The following PRKCA variants were observed in gnomAD, a reference collection of about 807,000 sequenced individuals.
The protein encoded by PRKCA is protein kinase C alpha type.
In PRKCA, 27 loss-of-function variants were observed where a neutral mutation model predicts 87.0. The observed-to-expected ratio is 0.31, with a 90% CI of 0.23 to 0.43. The LOEUF (loss-of-function observed/expected upper bound fraction) is 0.43. Among genes scored for constraint, PRKCA ranks in the 20% least tolerant of loss-of-function variants. The pLI is 1.00. For missense variants in PRKCA, 518 were observed against 852.3 expected (o/e 0.61, Z 4.88); for synonymous variants, 329 against 311.1 (o/e 1.06, Z -0.61).
intron 8 of PRKCA, among the ~76,000 whole-genome samples, chr17:66,715,898 A>G (rs1244417041): frequency 1.3e-5 from 2 of 152,214 alleles, no homozygotes; most frequent in Admixed American, 1.3e-4. Flanking sequence ...GAATACCACA[A>G]GAGGGCAGTA....
At chr17:66,456,891 G>C (rs1371380472) in intron 2 of PRKCA, among the ~76,000 whole-genome samples, 2 of 152,200 alleles carry the variant, frequency 1.3e-5, no homozygotes, top group African/African-American at 4.8e-5. Context: ...GATAGCTGAT[G>C]GGAGTTGTTT....
chr17:66,550,036 C>A (rs1463318836), intron 3 of PRKCA, among the ~76,000 whole-genome samples: 2 of 152,148 alleles, frequency 1.3e-5, no homozygotes, highest in Non-Finnish European at 2.9e-5. Context: ...ACTTGCATCT[C>A]CATTTAGAAC....
intron 3 of PRKCA, among the ~76,000 whole-genome samples, chr17:66,614,727 C>T (rs1013795732): frequency 1.3e-5 from 2 of 152,126 alleles, no homozygotes; most frequent in African/African-American, 2.4e-5. Context: ...GGCAGTTCCT[C>T]GTTATGCTTT....
chr17:66,799,842 T>C (rs979211131), intron 16 of PRKCA, among the ~76,000 whole-genome samples: 2 of 152,076 alleles, frequency 1.3e-5, no homozygotes, highest in Non-Finnish European at 2.9e-5. Context: ...TTGGCAGACC[T>C]TCTATGGTGG....
rs193181763 is a variant in PRKCA, at chr17:66,626,561, G to A, written c.289-14794G>A. 4.8e-3 allele frequency among the ~76,000 whole-genome samples: 726 copies of A among 150,200 alleles called. 9 individuals carry two copies. Among genetic ancestry groups the A allele is most frequent in the African/African-American group, 0.015 (599 of 40,842 alleles). ...TTTTTTTTGTATTTTTAGTGGAGAC[G>A]GGGTTTCACCATGTTAGCCAGGCTG... is the stretch of plus-strand genomic sequence containing the variant. On this transcript the variant is annotated intron_variant, in intron 3 of 16. Transcript: ENST00000413366.
At chr17:66,576,869 T>C (rs1159241572) in intron 3 of PRKCA, among the ~76,000 whole-genome samples, 3 of 112,116 alleles carry the variant, frequency 2.7e-5, no homozygotes, top group African/African-American at 1.2e-4. Flanking sequence ...AAAATGGTGA[T>C]GTACTTTTTT....
intron 2 of PRKCA, among the ~76,000 whole-genome samples, chr17:66,466,740 A>T (rs1251316652): frequency 6.6e-6 from 1 of 152,160 alleles, no homozygotes; most frequent in Non-Finnish European, 1.5e-5. Flanking sequence ...AATTGACTTT[A>T]TTTCTAAAGA....
chr17:66,401,750 A>C (rs1437060740), intron 2 of PRKCA, among the ~76,000 whole-genome samples: 1 of 152,232 alleles, frequency 6.6e-6, no homozygotes, highest in Non-Finnish European at 1.5e-5. Context: ...GTGGTGAGAC[A>C]GAGGGAACAT....
intron 3 of PRKCA, among the ~76,000 whole-genome samples, chr17:66,541,632 T>A (rs928724593): frequency 6.6e-6 from 1 of 152,228 alleles, no homozygotes; most frequent in Non-Finnish European, 1.5e-5. Context: ...AGTCCACGCC[T>A]CATGGCACTT....
At chr17:66,338,163 T>A (rs1256895315) in intron 2 of PRKCA, among the ~76,000 whole-genome samples, 2 of 152,010 alleles carry the variant, frequency 1.3e-5, no homozygotes, top group East Asian at 3.9e-4. Flanking sequence ...TCACATTTCA[T>A]CTTTCTTTAT....
chr17:66,696,892 C>T (rs1250813814), intron 8 of PRKCA, among the ~76,000 whole-genome samples: 2 of 152,192 alleles, frequency 1.3e-5, no homozygotes, highest in Non-Finnish European at 2.9e-5. Context: ...CATACGTGAT[C>T]GAGAGCTTTG....
intron 13 of PRKCA, among the ~76,000 whole-genome samples, chr17:66,766,591 T>TGAG (rs2144315610): frequency 6.6e-6 from 1 of 152,244 alleles, no homozygotes; most frequent in East Asian, 1.9e-4. Flanking sequence ...GTGGATCACC[T>TGAG]GAGGTCAGGA....
At chr17:66,387,742 G>A (rs909585247) in intron 2 of PRKCA, among the ~76,000 whole-genome samples, 2 of 152,178 alleles carry the variant, frequency 1.3e-5, no homozygotes, top group African/African-American at 4.8e-5. Flanking sequence ...GGGGTGCCCC[G>A]CAGCAGTTAG....
At chr17:66,422,265 G>T (rs527297944) in intron 2 of PRKCA, among the ~76,000 whole-genome samples, 34 of 152,222 alleles carry the variant, frequency 2.2e-4, no homozygotes, top group Middle Eastern at 3.4e-3. Context: ...ATGAATTTTT[G>T]GGGGGTGAGG....
intron 2 of PRKCA, among the ~76,000 whole-genome samples, chr17:66,418,917 A>G (rs903762382): frequency 4.7e-4 from 67 of 143,240 alleles, no homozygotes; most frequent in African/African-American, 1.7e-3. Flanking sequence ...ACGCCCGGCT[A>G]ATTTTTTTTT....
At chr17:66,648,207 G>A (rs142707273) in intron 5 of PRKCA, among the ~76,000 whole-genome samples, 341 of 152,248 alleles carry the variant, frequency 2.2e-3, no homozygotes, top group Non-Finnish European at 4.0e-3. Context: ...AAGGCTCTGC[G>A]TTTGGTTGAA....
intron 2 of PRKCA, among the ~76,000 whole-genome samples, chr17:66,372,960 G>C (rs566524327): frequency 0.016 from 2,504 of 152,212 alleles, 31 homozygotes; most frequent in South Asian, 0.026. Context: ...GGGAGGCTGA[G>C]TTCCAGCAGA....
Position 66,803,741 on chromosome 17 carries a change from C to A in PRKCA, c.1855-132C>A. 1 of 1,265,864 alleles carries A rather than the reference C, an allele frequency of 7.9e-7. No homozygotes were observed. The highest frequency in any genetic ancestry group is 1.1e-6 in the Non-Finnish European group (1 of 930,942). 78.4% of individuals were successfully genotyped at this position (1,265,864 alleles called of 1,614,324 possible). On this transcript the variant is annotated intron_variant, in intron 16 of 16. Coordinates refer to ENST00000413366, the MANE Select transcript of PRKCA (RefSeq NM_002737.3). This position sits in a 1 kb window ranked among gnomAD's most constrained non-coding sequence, Gnocchi z 4.4. ...TTTCAATCCAATAGGCCTGCAAGTC[C>A]TCCGAGATTCCTCCTCCTAACCAGC...
chr17:66,633,634 A>G (rs1029166635), intron 3 of PRKCA, among the ~76,000 whole-genome samples: 2 of 152,218 alleles, frequency 1.3e-5, no homozygotes, highest in Non-Finnish European at 2.9e-5. Context: ...CCTCAATGAC[A>G]GATAGTTTGG....
Sources: allele counts gnomAD v4.1 joint callset (sites outside exome capture counted in the v4.1 genomes callset), GRCh38; gene constraint gnomAD v4.1.1; non-coding constraint Gnocchi (gnomAD v3.1); transcripts MANE v1.5; gene names NCBI Gene and HGNC (gene_info 2026-07-23, HGNC 2026-07-21).